Variants in TMEM117 observed in about 807,000 individuals in gnomAD.
TMEM117 encodes the protein transmembrane protein 117.
A neutral mutation model predicts 52.4 loss-of-function variants in TMEM117; 27 were observed. That is an observed-to-expected ratio of 0.51 (90% CI 0.38 to 0.71). The LOEUF (loss-of-function observed/expected upper bound fraction) is 0.71. Among genes scored for constraint, TMEM117 ranks in the 30% least tolerant of loss-of-function variants. The probability of loss-of-function intolerance (pLI) is 0.00; values close to 1 mark genes in which losing one functional copy is unlikely to be tolerated. For synonymous variants in TMEM117, 215 were observed against 206.3 expected (o/e 1.04, Z -0.36); for missense variants, 556 against 630.5 (o/e 0.88, Z 1.26).
At chr12:43,888,014 T>C (rs903271147) in intron 2 of TMEM117, among the ~76,000 whole-genome samples, 9 of 152,184 alleles carry the variant, frequency 5.9e-5, no homozygotes, top group African/African-American at 2.2e-4. Context: ...TAGCCTCTAT[T>C]TGGGGCAAAT....
chr12:44,025,405 A>T (rs1371353660), intron 3 of TMEM117, among the ~76,000 whole-genome samples: 1 of 152,158 alleles, frequency 6.6e-6, no homozygotes, highest in East Asian at 1.9e-4. Context: ...CTAATGTGGA[A>T]ATAGAGTTTA....
chr12:44,185,915 C>CACAT (rs1555128113), intron 4 of TMEM117, among the ~76,000 whole-genome samples: 2 of 149,692 alleles, frequency 1.3e-5, no homozygotes, highest in Admixed American at 1.3e-4. Flanking sequence ...CACACACACA[C>CACAT]GTGCTCCTAC....
At chr12:44,110,145 A>G (rs371611343) in intron 3 of TMEM117, among the ~76,000 whole-genome samples, 3 of 98,748 alleles carry the variant, frequency 3.0e-5, no homozygotes, top group Admixed American at 1.1e-4. Context: ...CAATCATGTC[A>G]TCTGCAAACA....
At chr12:43,901,648 A>G (rs1254134805) in intron 2 of TMEM117, among the ~76,000 whole-genome samples, 2 of 152,170 alleles carry the variant, frequency 1.3e-5, no homozygotes, top group Non-Finnish European at 2.9e-5. Context: ...CATTTTCCTC[A>G]ACAAGAAAAT....
chr12:44,234,631 T>A (rs1355141062), intron 5 of TMEM117, among the ~76,000 whole-genome samples: 1 of 151,280 alleles, frequency 6.6e-6, no homozygotes, highest in Non-Finnish European at 1.5e-5. Flanking sequence ...TTTCCTACAT[T>A]TTTTTTGCTG....
rs542896241 is a variant in TMEM117 at position 44,201,114 on chromosome 12, AAATGAGGTTTCAAAGC to A, written c.511-10155_511-10140del. The stretch of plus-strand genomic sequence containing the variant: ...AAATTAGGGAAGTAATTGCCTTTTA[AAATGAGGTTTCAAAGC>A]AATGAGGTTTCAAAGCAATGGCATA... On this transcript the variant is annotated intron_variant, in intron 4 of 7. Coordinates refer to ENST00000266534, the MANE Select transcript of TMEM117 (RefSeq NM_032256.3). Among the ~76,000 whole-genome samples, 69 of 152,322 alleles carry A rather than the reference AAATGAGGTTTCAAAGC, an allele frequency of 4.5e-4. 1 individual carries two copies. The South Asian group carries it at 8.9e-3, about 20-fold the overall frequency.
At chr12:44,117,928 A>G (rs953770745) in intron 3 of TMEM117, among the ~76,000 whole-genome samples, 7 of 152,080 alleles carry the variant, frequency 4.6e-5, no homozygotes, top group African/African-American at 1.7e-4. Flanking sequence ...TTTTGTTTGT[A>G]AATAATTTTA....
At chr12:44,118,534 G>A (rs778475257) in intron 3 of TMEM117, among the ~76,000 whole-genome samples, 11 of 152,178 alleles carry the variant, frequency 7.2e-5, no homozygotes, top group African/African-American at 2.4e-4. Context: ...AGCAAAGCAA[G>A]GGCAGCTCAG....
At position 43,971,608 on chromosome 12, in the gene TMEM117, G is replaced by A. The variant is rs140092952; in HGVS notation, c.410+27266G>A. On this transcript the variant is annotated intron_variant, in intron 3 of 7. Coordinates refer to ENST00000266534, the MANE Select transcript of TMEM117 (RefSeq NM_032256.3). ...TCTGCTTAGACATCATTTCCTCTGG[G>A]AAAACTTTCCTAACGCCTTAAGGTC... Among the ~76,000 whole-genome samples the A allele has an allele frequency of 3.7e-3, 569 of 152,186 alleles. 2 individuals are homozygous for A. Among genetic ancestry groups the A allele is most frequent in the African/African-American group, 0.013 (543 of 41,518 alleles).
chr12:43,820,668 T>C, the TMEM117 span, among the ~76,000 whole-genome samples: 1 of 152,034 alleles, frequency 6.6e-6, no homozygotes, highest in Admixed American at 6.5e-5. Flanking sequence ...TGCAATTTTA[T>C]GCATTTTGCC....
At chr12:43,876,438 C>T (rs927318356) in intron 2 of TMEM117, among the ~76,000 whole-genome samples, 5 of 152,170 alleles carry the variant, frequency 3.3e-5, no homozygotes, top group African/African-American at 1.2e-4. Context: ...TTCTAGGAAA[C>T]TCAGCTCATA....
chr12:44,316,317 T>G (rs1438911774), intron 6 of TMEM117, among the ~76,000 whole-genome samples: 2 of 152,152 alleles, frequency 1.3e-5, no homozygotes, highest in Non-Finnish European at 2.9e-5. Flanking sequence ...TGGAAAACAT[T>G]GTATTTTTAC....
chr12:43,938,548 A>G (rs939220911), intron 2 of TMEM117, among the ~76,000 whole-genome samples: 12 of 152,122 alleles, frequency 7.9e-5, no homozygotes, highest in Non-Finnish European at 1.5e-4. Context: ...ATAAGACGCC[A>G]CACTGAGGAA....
chr12:43,987,370 A>G (rs996397420), intron 3 of TMEM117, among the ~76,000 whole-genome samples: 2 of 152,226 alleles, frequency 1.3e-5, no homozygotes, highest in African/African-American at 2.4e-5. Context: ...AGTCATGCAC[A>G]TGCTAGAGTG....
chr12:44,035,599 A>T (rs931325348), intron 3 of TMEM117, among the ~76,000 whole-genome samples: 8 of 152,192 alleles, frequency 5.3e-5, no homozygotes, highest in Non-Finnish European at 8.8e-5. Context: ...CTGAACGTTG[A>T]ATCTTTCTAT....
intron 3 of TMEM117, among the ~76,000 whole-genome samples, chr12:44,084,846 C>T (rs1947540330): frequency 6.6e-6 from 1 of 152,192 alleles, no homozygotes; most frequent in Non-Finnish European, 1.5e-5. Flanking sequence ...CAGACCAGTG[C>T]TCCCCAGGTG....
intron 3 of TMEM117, among the ~76,000 whole-genome samples, chr12:43,990,063 C>T (rs952159633): frequency 2.6e-5 from 4 of 152,082 alleles, no homozygotes; most frequent in African/African-American, 7.2e-5. Context: ...TCAAGGCCAG[C>T]ATTTCCTAAT....
In TMEM117 at chr12:43,987,180, AGAC is replaced by A. The variant is rs1351342649; in HGVS notation, c.410+42839_410+42841del. 1.3e-4 allele frequency among the ~76,000 whole-genome samples: 20 copies of A among 152,334 alleles called. 1 individual carries two copies. The highest frequency in any genetic ancestry group is 1.2e-3 in the Admixed American group (18 of 15,302). On this transcript the variant is annotated intron_variant, in intron 3 of 7. Transcript: ENST00000266534. Reference sequence around the variant, plus strand: ...CCAGACACAAGCACACATAGAGAGAAGACAGTGTGGAACACACACCAAGAAGGT... The same window carrying A: ...CCAGACACAAGCACACATAGAGAGAAAGTGTGGAACACACACCAAGAAGGT...
At chr12:44,252,447 T>C (rs1319455347) in intron 5 of TMEM117, among the ~76,000 whole-genome samples, 1 of 152,136 alleles carries the variant, frequency 6.6e-6, no homozygotes, top group African/African-American at 2.4e-5. Context: ...GAGGTTGCAG[T>C]GAGCTGAGAT....
Sources: gnomAD v4.1 joint callset for allele counts (sites outside exome capture counted in the v4.1 genomes callset) on GRCh38, gnomAD v4.1.1 for gene constraint, MANE v1.5 for transcripts, NCBI Gene and HGNC (gene_info 2026-07-23, HGNC 2026-07-21) for gene names.